TMEM114: variants seen among roughly 807,000 people sequenced by gnomAD.
TMEM114 encodes transmembrane protein 114.
A neutral mutation model predicts 6.2 loss-of-function variants in TMEM114; 6 were observed. The observed-to-expected ratio is 0.97, with a 90% CI of 0.53 to 1.91. The LOEUF is 1.91. Among genes scored for constraint, TMEM114 ranks in the 40% most tolerant of loss-of-function variants. The pLI is 0.01. For synonymous variants in TMEM114, 104 were observed against 73.0 expected (o/e 1.42, Z -2.16); for missense variants, 218 against 158.3 (o/e 1.38, Z -2.02).
intron 2 of TMEM114, among the ~76,000 whole-genome samples, chr16:8,538,260 G>C (rs1479759666): frequency 1.3e-5 from 2 of 151,706 alleles, no homozygotes; most frequent in African/African-American, 4.8e-5. Context: ...CTGCACTGTA[G>C]CCTGGGTGAC....
At chr16:8,539,479 C>T (rs1323642870) in intron 2 of TMEM114, among the ~76,000 whole-genome samples, 3 of 152,192 alleles carry the variant, frequency 2.0e-5, no homozygotes, top group African/African-American at 4.8e-5. Flanking sequence ...CTGCAAGCAG[C>T]CTCACATGCC....
chr16:8,541,848 G>T (rs1222536230), intron 2 of TMEM114, among the ~76,000 whole-genome samples: 1 of 152,182 alleles, frequency 6.6e-6, no homozygotes, highest in East Asian at 1.9e-4. Flanking sequence ...CAGGGCCCAA[G>T]AGTTCAGGCT....
the TMEM114 span, among the ~76,000 whole-genome samples, chr16:8,530,272 T>A: frequency 5.9e-5 from 9 of 152,252 alleles, no homozygotes; most frequent in East Asian, 1.7e-3. Flanking sequence ...CTCACTGGCA[T>A]GATCAAGTCA....
the TMEM114 span, among the ~76,000 whole-genome samples, chr16:8,532,438 G>A: frequency 0.012 from 1,804 of 152,126 alleles, 27 homozygotes; most frequent in African/African-American, 0.039. Context: ...TATTATGATC[G>A]AAATTGGACA....
intron 2 of TMEM114, among the ~76,000 whole-genome samples, chr16:8,550,766 G>C (rs1008796808): frequency 2.7e-5 from 4 of 150,564 alleles, no homozygotes; most frequent in African/African-American, 9.8e-5. Flanking sequence ...TTGGGGCTCT[G>C]AATGTTCACC....
At chr16:8,547,175 G>C (rs1265569177) in intron 2 of TMEM114, among the ~76,000 whole-genome samples, 2 of 152,084 alleles carry the variant, frequency 1.3e-5, no homozygotes, top group African/African-American at 4.8e-5. Flanking sequence ...AGGAATTTTT[G>C]AGCTGAAAGT....
chr16:8,588,281 T>A (rs1902376856), intron 2 of TMEM114, among the ~76,000 whole-genome samples: 1 of 88,466 alleles, frequency 1.1e-5, no homozygotes. Flanking sequence ...AGCAAGACCC[T>A]GTCTCAAAAA....
the TMEM114 span, among the ~76,000 whole-genome samples, chr16:8,528,195 C>A: frequency 6.6e-6 from 1 of 152,096 alleles, no homozygotes; most frequent in East Asian, 1.9e-4. Flanking sequence ...GCCACCATGC[C>A]AGAACTAGTT....
chr16:8,557,274 C>T (rs574655344), intron 2 of TMEM114, among the ~76,000 whole-genome samples: 15 of 152,250 alleles, frequency 9.9e-5, no homozygotes, highest in African/African-American at 3.6e-4. Flanking sequence ...TCCACCTTGC[C>T]CATGGGAGCA....
chr16:8,537,245 A>G (rs1189748566), downstream of TMEM114, among the ~76,000 whole-genome samples: 3 of 152,162 alleles, frequency 2.0e-5, no homozygotes, highest in Non-Finnish European at 4.4e-5. Flanking sequence ...TCACACCTGT[A>G]ATCCCAGCAC....
At chr16:8,534,956 T>C (rs557664487), downstream of TMEM114, among the ~76,000 whole-genome samples, 1 of 152,232 alleles carries the variant, frequency 6.6e-6, no homozygotes, top group Non-Finnish European at 1.5e-5. Flanking sequence ...GAACAGCTAC[T>C]CCTGTCATCA....
At chr16:8,580,258 A>G (rs1902089990) in intron 2 of TMEM114, among the ~76,000 whole-genome samples, 1 of 152,182 alleles carries the variant, frequency 6.6e-6, no homozygotes, top group Admixed American at 6.5e-5. Flanking sequence ...AGGCCAAGGC[A>G]GGCAGATCAC....
chr16:8,564,215 G>A (rs910210513), intron 2 of TMEM114, among the ~76,000 whole-genome samples: 4 of 133,738 alleles, frequency 3.0e-5, no homozygotes, highest in Non-Finnish European at 6.5e-5. Context: ...GTGAATGAGT[G>A]AGTTAGTGAA....
At chr16:8,527,381 G>T in the TMEM114 span, among the ~76,000 whole-genome samples, 1 of 152,122 alleles carries the variant, frequency 6.6e-6, no homozygotes, top group Admixed American at 6.6e-5. Context: ...TCCTGCCTCT[G>T]CCTGTTAGTG....
Position 8,569,572 on chromosome 16 carries a change from A to T in TMEM114, c.*201T>A. On this transcript the variant is annotated 3_prime_UTR_variant, in exon 4 of 4. Transcript: ENST00000620492. ...CCTCGGGCTCCTCCAGGCCACACGG[A>T]CACACACGGACATAAGCACACAGGT... The T allele has an allele frequency of 7.0e-7, 1 of 1,422,306 alleles. No homozygotes were observed. 88.1% of individuals were successfully genotyped at this position (1,422,306 alleles called of 1,614,324 possible). A position where few individuals can be genotyped will look rare whatever the true frequency, so the allele number is the denominator to read the frequency against.
chr16:8,543,553 C>A (rs192976789), intron 2 of TMEM114, among the ~76,000 whole-genome samples: 1 of 152,028 alleles, frequency 6.6e-6, no homozygotes, highest in Non-Finnish European at 1.5e-5. Flanking sequence ...CCCCTCCCAC[C>A]GAAACATCAT....
At chr16:8,542,141 G>T (rs976942950) in intron 2 of TMEM114, among the ~76,000 whole-genome samples, 4 of 123,032 alleles carry the variant, frequency 3.3e-5, no homozygotes, top group East Asian at 5.6e-4. Context: ...AGGATGATTC[G>T]TGGGGGGGGG....
intron 2 of TMEM114, among the ~76,000 whole-genome samples, chr16:8,587,765 C>T (rs2141704218): frequency 6.6e-6 from 1 of 152,266 alleles, no homozygotes; most frequent in Admixed American, 6.5e-5. Flanking sequence ...ATTGCTTGAG[C>T]TTAGGAGTTT....
At chr16:8,541,328 G>A (rs1300431095) in intron 2 of TMEM114, among the ~76,000 whole-genome samples, 3 of 152,110 alleles carry the variant, frequency 2.0e-5, no homozygotes, top group Non-Finnish European at 1.5e-5. Flanking sequence ...TCATACAAAT[G>A]AGGACAGTCC....
Sources: allele counts gnomAD v4.1 joint callset (sites outside exome capture counted in the v4.1 genomes callset), GRCh38; gene constraint gnomAD v4.1.1; transcripts MANE v1.5; gene names NCBI Gene and HGNC (gene_info 2026-07-23, HGNC 2026-07-21).